Variants in WDR76 observed in about 807,000 individuals in gnomAD.
WDR76 encodes WD repeat domain 76.
WDR76 carries 52 observed loss-of-function variants against 70.2 expected under a neutral mutation model. That is an observed-to-expected ratio of 0.74 (90% CI 0.59 to 0.93). The LOEUF (loss-of-function observed/expected upper bound fraction) is 0.93. Ranked by LOEUF, WDR76 falls within the 40% of genes least tolerant of loss-of-function variation. The pLI is 0.00. For missense variants in WDR76, 756 were observed against 760.2 expected (o/e 0.99, Z 0.07); for synonymous variants, 292 against 271.1 (o/e 1.08, Z -0.76).
intron 10 of WDR76, among the ~76,000 whole-genome samples, chr15:43,858,275 A>C (rs1240398690): frequency 1.4e-5 from 2 of 146,914 alleles, no homozygotes; most frequent in South Asian, 4.3e-4. Context: ...TTTGTTTGAA[A>C]TGGAGTTTTG....
At chr15:43,856,448 T>G (rs1165756302) in intron 9 of WDR76, among the ~76,000 whole-genome samples, 1 of 152,206 alleles carries the variant, frequency 6.6e-6, no homozygotes, top group Non-Finnish European at 1.5e-5. Flanking sequence ...GAATTCACAT[T>G]CAGTTCTTTT....
rs1293065610 is a variant in WDR76, at chr15:43,834,888, C to G, written c.463-173C>G. ...ATTTTGGGGGTATCCCAAATCCAGA[C>G]TTACTGAAATATCCAATTCAGCAAA... On this transcript the variant is annotated intron_variant, in intron 2 of 12. Coordinates refer to ENST00000263795, the MANE Select transcript of WDR76 (RefSeq NM_024908.4). Among the ~76,000 whole-genome samples the G allele has an allele frequency of 5.9e-5, 9 of 152,224 alleles. No homozygotes were observed. The East Asian group carries it at 1.2e-3, about 20-fold the overall frequency.
intron 7 of WDR76, among the ~76,000 whole-genome samples, chr15:43,843,506 A>G (rs1343923583): frequency 6.6e-6 from 1 of 152,156 alleles, no homozygotes. Flanking sequence ...TGGATATGAT[A>G]GTGGATTATT....
At chr15:43,853,957 A>G (rs1465472446) in intron 9 of WDR76, among the ~76,000 whole-genome samples, 1 of 152,144 alleles carries the variant, frequency 6.6e-6, no homozygotes, top group Non-Finnish European at 1.5e-5. Context: ...AAATAAGCAC[A>G]TGAAAAGATT....
chr15:43,842,374 G>A, intron 5 of WDR76, 41 bp from the exon 6 acceptor site: 6 of 1,584,282 alleles, frequency 3.8e-6, no homozygotes, highest in Non-Finnish European at 4.3e-6. Context: ...TATATTCTAG[G>A]GCAGGGAGCC....
At chr15:43,857,556 A>G (rs1190155641) in intron 10 of WDR76, 55 of 984,416 alleles carry the variant, frequency 5.6e-5, no homozygotes, top group Non-Finnish European at 6.0e-5. Context: ...GTGGTGGCTC[A>G]TGCCTGTAAT....
chr15:43,853,315 T>C (rs997331317), intron 9 of WDR76, among the ~76,000 whole-genome samples: 4 of 152,090 alleles, frequency 2.6e-5, no homozygotes, highest in African/African-American at 9.7e-5. Flanking sequence ...CTAAGCCTCC[T>C]GAGTAGCTGG....
At chr15:43,844,374 T>C (rs1476267555) in intron 8 of WDR76, among the ~76,000 whole-genome samples, 16 of 152,068 alleles carry the variant, frequency 1.1e-4, no homozygotes, top group Non-Finnish European at 2.2e-4. Flanking sequence ...TGCCAGCACT[T>C]TGAGAGGCTG....
intron 1 of WDR76, 56 bp downstream of exon 1, chr15:43,827,148 T>A: frequency 1.2e-6 from 2 of 1,612,834 alleles, no homozygotes; most frequent in South Asian, 1.1e-5. Flanking sequence ...TTTGTGAGGG[T>A]TATGCGGGAC....
intron 7 of WDR76, among the ~76,000 whole-genome samples, chr15:43,843,623 T>C (rs2087752457): frequency 6.6e-6 from 1 of 152,182 alleles, no homozygotes; most frequent in Non-Finnish European, 1.5e-5. Flanking sequence ...TCTTTTTTTT[T>C]CTTCTGAACA....
intron 4 of WDR76, among the ~76,000 whole-genome samples, chr15:43,838,095 A>G (rs1422749669): frequency 6.6e-6 from 1 of 152,020 alleles, no homozygotes; most frequent in Non-Finnish European, 1.5e-5. Context: ...GGATGGTCTC[A>G]ATCTCCTGAC....
intron 8 of WDR76, among the ~76,000 whole-genome samples, chr15:43,848,082 C>A (rs544472997): frequency 3.6e-4 from 53 of 146,878 alleles, no homozygotes; most frequent in Non-Finnish European, 5.3e-4. Flanking sequence ...AACAAACAAA[C>A]AAAAAAAAAA....
At chr15:43,838,869 G>A (rs1321958720) in intron 4 of WDR76, among the ~76,000 whole-genome samples, 2 of 152,054 alleles carry the variant, frequency 1.3e-5, no homozygotes, top group South Asian at 2.1e-4. Context: ...ATATACTCAG[G>A]TGTCTTTTTT....
chr15:43,832,749 T>TTTTG lies in WDR76; in HGVS notation c.463-2309_463-2308insGTTT, dbSNP rs949359443. On this transcript the variant is annotated intron_variant, in intron 2 of 12. Coordinates refer to ENST00000263795, the MANE Select transcript of WDR76 (RefSeq NM_024908.4). ...ATTGCACCCGGCTTGCTTTGTTTTTTTTTTTTTTTTTTTTTTTTTTTGAGA... is the reference window on the plus strand; with the variant it reads ...ATTGCACCCGGCTTGCTTTGTTTTTTTTTGTTTTTTTTTTTTTTTTTTTTTGAGA... Among the ~76,000 whole-genome samples the TTTTG allele has an allele frequency of 1.6e-4, 20 of 128,200 alleles. 1 individual carries two copies. Among genetic ancestry groups the TTTTG allele is most frequent in the South Asian group, 2.8e-4 (1 of 3,526 alleles). The allele number at this position is 128,200 out of a possible 152,430, so 84.1% of individuals were successfully genotyped here.
intron 9 of WDR76, among the ~76,000 whole-genome samples, chr15:43,853,364 T>C (rs968360293): frequency 4.6e-5 from 7 of 151,744 alleles, no homozygotes; most frequent in African/African-American, 1.7e-4. Context: ...CTAATTTTTG[T>C]ATTTTTAGTA....
chr15:43,853,482 C>T (rs920199602), intron 9 of WDR76, among the ~76,000 whole-genome samples: 16 of 152,276 alleles, frequency 1.1e-4, no homozygotes, highest in Admixed American at 2.0e-4. Context: ...TGAGCCACCG[C>T]GCCTGGCTGT....
Position 43,851,194 on chromosome 15 carries a change from C to T in WDR76, c.1140C>T (p.Ser380=), listed in dbSNP as rs1345541504. The T allele has an allele frequency of 6.2e-7, 1 of 1,614,152 alleles. No homozygotes were observed. Among genetic ancestry groups the T allele is most frequent in the Admixed American group, 1.7e-5 (1 of 60,016 alleles). ...PANPAHILSL[S]YDGTLRCGDF... ...ATCCGGCCCACATACTGTCACTGAG[C>T]TATGATGGCACGTTACGCTGTGGGG... is the stretch of plus-strand genomic sequence containing the variant. Residue 380 remains serine (S), a synonymous_variant, in exon 9 of 13, where the codon AGC becomes AGT. Coordinates refer to ENST00000263795, the MANE Select transcript of WDR76 (RefSeq NM_024908.4).
chr15:43,836,027 C>T, intron 3 of WDR76, 134 bp from the exon 4 acceptor site: 4 of 673,644 alleles, frequency 5.9e-6, no homozygotes, highest in Non-Finnish European at 2.3e-6. Context: ...CTGATCATGA[C>T]TCATGGCCTA....
chr15:43,829,147 G>A (rs1389248868), intron 2 of WDR76, among the ~76,000 whole-genome samples: 3 of 152,010 alleles, frequency 2.0e-5, no homozygotes, highest in South Asian at 2.1e-4. Context: ...TGATCCACCC[G>A]CCTCAGCCTC....
Sources: gnomAD v4.1 joint callset for allele counts (sites outside exome capture counted in the v4.1 genomes callset) on GRCh38, gnomAD v4.1.1 for gene constraint, MANE v1.5 for transcripts, NCBI Gene and HGNC (gene_info 2026-07-23, HGNC 2026-07-21) for gene names.